The following BMPR1B variants were observed in gnomAD, a reference collection of about 807,000 sequenced individuals.
BMPR1B encodes bone morphogenetic protein receptor type 1B.
Under a neutral mutation model 59.1 loss-of-function variants are expected in BMPR1B, and 12 were observed. The ratio of observed to expected loss-of-function variants is 0.20; its 90% CI spans 0.13 to 0.33. BMPR1B has a LOEUF of 0.33. Among genes scored for constraint, BMPR1B ranks in the 10% least tolerant of loss-of-function variants. The pLI, the probability that BMPR1B is intolerant of heterozygous loss-of-function variation, is 1.00. For missense variants in BMPR1B, 550 were observed against 610.9 expected, an observed-to-expected ratio of 0.90 and a Z score of 1.05; for synonymous variants, 237 against 207.3, an observed-to-expected ratio of 1.14 and a Z score of -1.23.
intron 3 of BMPR1B, among the ~76,000 whole-genome samples, chr4:95,002,512 C>T (rs531618556): frequency 6.4e-4 from 97 of 152,278 alleles, no homozygotes; most frequent in Non-Finnish European, 9.3e-4. Context: ...TTCACTGGGT[C>T]GAATGGTAGT....
chr4:95,126,685 G>A (rs1483757831), intron 8 of BMPR1B, among the ~76,000 whole-genome samples: 1 of 152,136 alleles, frequency 6.6e-6, no homozygotes, highest in Non-Finnish European at 1.5e-5. Flanking sequence ...GCATTTGATG[G>A]CGGTAGGATG....
intron 1 of BMPR1B, among the ~76,000 whole-genome samples, chr4:94,810,010 GT>G (rs1386063276): frequency 6.6e-6 from 1 of 152,110 alleles, no homozygotes; most frequent in African/African-American, 2.4e-5. Context: ...TGAATTTACA[GT>G]TTTTTTGACC....
intron 3 of BMPR1B, among the ~76,000 whole-genome samples, chr4:95,082,027 C>CA (rs1302416210): frequency 4.0e-5 from 6 of 151,638 alleles, no homozygotes; most frequent in Non-Finnish European, 8.8e-5. Flanking sequence ...TACATGTGCA[C>CA]AATGTGCAGG....
intron 3 of BMPR1B, among the ~76,000 whole-genome samples, chr4:95,027,087 T>G (rs1724480250): frequency 6.6e-6 from 1 of 152,204 alleles, no homozygotes; most frequent in Middle Eastern, 3.4e-3. Flanking sequence ...AACTAAATTT[T>G]TCACGTTATC....
rs190597900 is a variant in BMPR1B, at chr4:95,093,646, T to G, written c.-17-10762T>G. 2.0e-3 allele frequency among the ~76,000 whole-genome samples: 310 copies of G among 152,208 alleles called. 2 individuals are homozygous for G. The highest frequency in any genetic ancestry group is 4.9e-3 in the Admixed American group (74 of 15,252). Reference sequence around the variant, plus strand: ...GGTATCACATAAAATGTTTGAGTGATTGAAGCTTTTATAGGTCTCTTGGCA... The same window carrying G: ...GGTATCACATAAAATGTTTGAGTGAGTGAAGCTTTTATAGGTCTCTTGGCA... On this transcript the variant is annotated intron_variant, in intron 3 of 12. Transcript: ENST00000515059.
At chr4:94,792,186 G>A (rs1413975322) in intron 1 of BMPR1B, among the ~76,000 whole-genome samples, 2 of 152,016 alleles carry the variant, frequency 1.3e-5, no homozygotes. Flanking sequence ...ATGCTTTCTT[G>A]CCTTCTAAAA....
chr4:94,956,733 CAGT>C (rs1203256268), intron 2 of BMPR1B, among the ~76,000 whole-genome samples: 1 of 152,072 alleles, frequency 6.6e-6, no homozygotes, highest in African/African-American at 2.4e-5. Context: ...CAAATCCCAT[CAGT>C]AGTATTTTTG....
At chr4:94,763,995 G>T (rs751534743) in intron 1 of BMPR1B, among the ~76,000 whole-genome samples, 4 of 152,004 alleles carry the variant, frequency 2.6e-5, no homozygotes, top group Non-Finnish European at 4.4e-5. Flanking sequence ...GACAGTTGTG[G>T]CATCATTTCA....
chr4:94,780,976 C>T (rs1400076839), intron 1 of BMPR1B, among the ~76,000 whole-genome samples: 2 of 152,104 alleles, frequency 1.3e-5, no homozygotes, highest in Non-Finnish European at 2.9e-5. Context: ...GTGTGAGTCA[C>T]CGCAGCCGGC....
intron 2 of BMPR1B, among the ~76,000 whole-genome samples, chr4:94,979,592 CT>C (rs1731157588): frequency 1.3e-5 from 2 of 152,152 alleles, no homozygotes. Flanking sequence ...AAAAATATCC[CT>C]TTAAAGTGAA....
intron 10 of BMPR1B, among the ~76,000 whole-genome samples, chr4:95,139,689 C>T (rs950212768): frequency 2.0e-5 from 3 of 152,116 alleles, no homozygotes; most frequent in Non-Finnish European, 4.4e-5. Context: ...GAGCGAGGCT[C>T]CATGGGCGTG....
intron 3 of BMPR1B, among the ~76,000 whole-genome samples, chr4:95,062,617 G>A (rs532217737): frequency 6.6e-6 from 1 of 152,100 alleles, no homozygotes; most frequent in Non-Finnish European, 1.5e-5. Context: ...TAAGAAACGT[G>A]ATCTGCAGCT....
intron 1 of BMPR1B, among the ~76,000 whole-genome samples, chr4:94,776,413 C>G (rs542981483): frequency 2.1e-4 from 32 of 152,270 alleles, no homozygotes; most frequent in African/African-American, 7.5e-4. Flanking sequence ...TCCTCCCTGG[C>G]TTTTTTCTTT....
chr4:94,832,426 A>G (rs1220812123), intron 1 of BMPR1B, among the ~76,000 whole-genome samples: 3 of 152,146 alleles, frequency 2.0e-5, no homozygotes, highest in Non-Finnish European at 4.4e-5. Context: ...AATAGAGGAA[A>G]GTTTATTTGT....
chr4:94,856,064 A>T (rs879026405), intron 1 of BMPR1B, among the ~76,000 whole-genome samples: 1 of 152,238 alleles, frequency 6.6e-6, no homozygotes, highest in South Asian at 2.1e-4. Flanking sequence ...GACAATTGCT[A>T]GAAATTTTGA....
intron 3 of BMPR1B, among the ~76,000 whole-genome samples, chr4:95,060,997 AT>A (rs1159740310): frequency 6.6e-6 from 1 of 151,812 alleles, no homozygotes; most frequent in African/African-American, 2.4e-5. Context: ...TGTGTGGTTG[AT>A]GTGAGGTTTG....
At chr4:94,905,708 C>G (rs1279704321) in intron 2 of BMPR1B, among the ~76,000 whole-genome samples, 1 of 151,972 alleles carries the variant, frequency 6.6e-6, no homozygotes, top group East Asian at 1.9e-4. Context: ...ACGTCTCACA[C>G]AGGATGCCTG....
At chr4:95,070,570 G>T (rs969908374) in intron 3 of BMPR1B, among the ~76,000 whole-genome samples, 1 of 152,156 alleles carries the variant, frequency 6.6e-6, no homozygotes, top group African/African-American at 2.4e-5. Context: ...TTGGTAGTCA[G>T]TTGAGTGTGT....
chr4:94,894,584 G>A (rs1727518678), intron 2 of BMPR1B, among the ~76,000 whole-genome samples: 1 of 151,896 alleles, frequency 6.6e-6, no homozygotes, highest in South Asian at 2.1e-4. Context: ...GACTTTTTAA[G>A]GATTTCCTTT....
Sources: allele counts gnomAD v4.1 joint callset (sites outside exome capture counted in the v4.1 genomes callset), GRCh38; gene constraint gnomAD v4.1.1; transcripts MANE v1.5; gene names NCBI Gene and HGNC (gene_info 2026-07-23, HGNC 2026-07-21).